SETD1A: variants seen among roughly 807,000 people sequenced by gnomAD.
SETD1A encodes the protein histone-lysine N-methyltransferase SETD1A.
Under a neutral mutation model 149.9 loss-of-function variants are expected in SETD1A, and 29 were observed. That is an observed-to-expected ratio of 0.19 (90% confidence interval 0.14 to 0.26). SETD1A has a LOEUF of 0.26. Ranked by LOEUF, SETD1A falls within the 10% of genes least tolerant of loss-of-function variation. SETD1A has a pLI of 1.00. For missense variants in SETD1A, 2,109 were observed against 2,353.1 expected (o/e 0.90, Z 2.15); for synonymous variants, 1,141 against 968.5 (o/e 1.18, Z -3.31).
chr16:30,978,451 G>T (rs2056314989), intron 13 of SETD1A, among the ~76,000 whole-genome samples: 3 of 151,946 alleles, frequency 2.0e-5, no homozygotes, highest in Admixed American at 2.0e-4. Flanking sequence ...CCGTCCTGAG[G>T]GTACGCTGGG....
At chr16:30,967,131 G>A (rs1243621640) in intron 9 of SETD1A, 71 bp downstream of exon 9, 2 of 1,169,394 alleles carry the variant, frequency 1.7e-6, no homozygotes, top group Non-Finnish European at 2.4e-6. Flanking sequence ...TGGGGTAGGG[G>A]TGGTCAGGAA....
At position 30,961,562 on chromosome 16, in the gene SETD1A, C is replaced by A. The variant is rs2056052637; in HGVS notation, c.517+25C>A. 2.5e-6 allele frequency: 4 copies of A among 1,608,770 alleles called. No individual in the cohort carries two copies. Among genetic ancestry groups the A allele is most frequent in the Admixed American group, 1.7e-5 (1 of 58,228 alleles). On this transcript the variant is annotated intron_variant, in intron 4 of 18. Transcript: ENST00000262519. The surrounding 1 kb of genome is among the most constrained non-coding windows in gnomAD (Gnocchi z 4.0). ...GGTGAGGACTCCTCTGCCTGCCACT[C>A]AGGCTTGGCCTCCAGCGGAGGTTGT...
In SETD1A at chr16:30,984,115, C is replaced by A; in HGVS notation, c.*92C>A. 8.5e-7 allele frequency: 1 copy of A among 1,175,526 alleles called. No homozygotes were observed. The highest frequency in any genetic ancestry group is 1.2e-6 in the Non-Finnish European group (1 of 854,836). 72.8% of individuals were successfully genotyped at this position (1,175,526 alleles called of 1,614,324 possible). A position where few individuals can be genotyped will look rare whatever the true frequency, so the allele number is the denominator to read the frequency against. Reference sequence around the variant, plus strand: ...CCCAGCCTTAGTGGGCTCAGCAGGGCCCACATGCCCCCATCTCCAAGCGTG... The same window carrying A: ...CCCAGCCTTAGTGGGCTCAGCAGGGACCACATGCCCCCATCTCCAAGCGTG... On this transcript the variant is annotated 3_prime_UTR_variant, in exon 19 of 19. Transcript: ENST00000262519.
chr16:30,961,203 C>A lies in SETD1A; in HGVS notation c.247-64C>A, dbSNP rs1046341559. On this transcript the variant is annotated intron_variant, in intron 3 of 18. Transcript: ENST00000262519. The surrounding 1 kb of genome is among the most constrained non-coding windows in gnomAD (Gnocchi z 4.0). ...GACTTCATGGAGCTTGCTAAAGTTT[C>A]CCGAAGGACAAAGGAACAGTGGTCA... The A allele has an allele frequency of 2.5e-5, 38 of 1,545,328 alleles. No homozygotes were observed. The highest frequency in any genetic ancestry group is 3.3e-5 in the Non-Finnish European group (37 of 1,131,380).
rs1414205184 is a variant in SETD1A at position 30,966,187 on chromosome 16, C to T, written c.2306C>T (p.Ala769Val). The T allele has an allele frequency of 4.3e-6, 7 of 1,611,966 alleles. No homozygotes were observed. In the East Asian group the frequency reaches 1.1e-4, roughly 26 times the overall value. Residue 769 changes from alanine to valine, a missense_variant, in exon 8 of 19, where the codon GCC (alanine) becomes GTC (valine). Ala to Val is a moderately conservative substitution (Grantham distance 64, BLOSUM62 0). This residue lies in a region of SETD1A where 431 missense variants were observed against 388.6 expected (regional missense o/e 1.11). Transcript: ENST00000262519. The part of the protein sequence containing the change: ...LPSSSVSGEE[A>V]RLPPREEAEL... ...TCCTCCTCAGTCTCGGGAGAGGAGG[C>T]CCGGCTGCCACCCAGGGAAGAAGCA...
At position 30,980,220 on chromosome 16, in the gene SETD1A, C is replaced by T. The variant is rs766673327; in HGVS notation, c.4408+26C>T. 3.8e-6 allele frequency: 6 copies of T among 1,572,422 alleles called. No individual in the cohort carries two copies. The highest frequency in any genetic ancestry group is 8.6e-7 in the Non-Finnish European group (1 of 1,157,374). The stretch of plus-strand genomic sequence containing the variant: ...ATATCCTGAGTGTGGGCGGCCTTCC[C>T]CGGGCTTGGGTCCTCCCCCGACCCC... On this transcript the variant is annotated intron_variant, in intron 14 of 18. Coordinates refer to ENST00000262519, the MANE Select transcript of SETD1A (RefSeq NM_014712.3). This position sits in a 1 kb window ranked among gnomAD's most constrained non-coding sequence, Gnocchi z 7.7.
In SETD1A at chr16:30,966,244, C is replaced by G. The variant is rs780702297; in HGVS notation, c.2363C>G (p.Ala788Gly). ...GCAGAGGGCAAGACCCTCCCGACAGCAGGCACCGTGGGCCGTGTGCTCGCC... is the reference window on the plus strand; with the variant it reads ...GCAGAGGGCAAGACCCTCCCGACAGGAGGCACCGTGGGCCGTGTGCTCGCC... ...ELAEGKTLPT[A>G]GTVGRVLAML... The change falls in exon 8 of 19, where the codon GCA becomes GGA. Residue 788 changes from alanine (A) to glycine (G), a missense_variant. Around this residue, in one of 8 missense-constraint regions of SETD1A, gnomAD observed 431 missense variants for 388.6 expected, o/e 1.11. Transcript: ENST00000262519. 6.2e-6 allele frequency: 10 copies of G among 1,613,714 alleles called. No individual in the cohort carries two copies. The highest frequency in any genetic ancestry group is 8.5e-6 in the Non-Finnish European group (10 of 1,180,008).
chr16:30,966,826 G>A, intron 8 of SETD1A, 58 bp from the exon 9 acceptor site: 1 of 1,487,780 alleles, frequency 6.7e-7, no homozygotes, highest in Non-Finnish European at 9.0e-7. Flanking sequence ...GTAGGTCTCA[G>A]GCAGGAGGGA....
rs766517510 is a variant in SETD1A, at chr16:30,983,776, C to A, written c.4950+4C>A. Reference sequence around the variant, plus strand: ...ATTCATCAACCACTGCTGCACGGTGCGCCAGGGGCCAGCCGGGGCAGGAGT... The same window carrying A: ...ATTCATCAACCACTGCTGCACGGTGAGCCAGGGGCCAGCCGGGGCAGGAGT... On this transcript the variant is annotated splice_donor_region_variant and intron_variant, in intron 18 of 18. Transcript: ENST00000262519. This position sits in a 1 kb window ranked among gnomAD's most constrained non-coding sequence, Gnocchi z 6.8. 34 of 1,613,672 alleles carry A rather than the reference C, an allele frequency of 2.1e-5. No individual in the cohort carries two copies. The highest frequency in any genetic ancestry group is 2.7e-5 in the Non-Finnish European group (32 of 1,179,714).
chr16:30,968,533 T>C (rs1177886913), intron 10 of SETD1A, among the ~76,000 whole-genome samples: 1 of 151,750 alleles, frequency 6.6e-6, no homozygotes, highest in Non-Finnish European at 1.5e-5. Context: ...CCAGGCAGGG[T>C]GGAGCTCACC....
At chr16:30,968,814 A>G (rs1468931505) in intron 10 of SETD1A, among the ~76,000 whole-genome samples, 3 of 151,780 alleles carry the variant, frequency 2.0e-5, no homozygotes, top group Non-Finnish European at 4.4e-5. Context: ...AAAAAAATAT[A>G]TATATATATG....
chr16:30,978,407 TC>T (rs1234550901), intron 13 of SETD1A, among the ~76,000 whole-genome samples: 1 of 152,116 alleles, frequency 6.6e-6, no homozygotes, highest in African/African-American at 2.4e-5. Context: ...ATGCAGGCTT[TC>T]CCAGGGATGG....
intron 13 of SETD1A, among the ~76,000 whole-genome samples, chr16:30,974,343 T>C (rs1315103550): frequency 6.6e-6 from 1 of 152,018 alleles, no homozygotes; most frequent in African/African-American, 2.4e-5. Context: ...GGTCGGTGCT[T>C]AGGTCTTGAA....
At position 30,964,272 on chromosome 16, in the gene SETD1A, A is replaced by G. The variant is rs1425717415; in HGVS notation, c.818A>G (p.Tyr273Cys). 11 of 1,613,428 alleles carry G rather than the reference A, an allele frequency of 6.8e-6. No homozygotes were observed. Among genetic ancestry groups the G allele is most frequent in the Non-Finnish European group, 8.5e-6 (10 of 1,179,780 alleles). The part of the protein sequence containing the change: ...FTPQSSQGTP[Y>C]TSRGSTPYSQ... The stretch of plus-strand genomic sequence containing the variant: ...CCTCAGTCCTCCCAAGGAACCCCCT[A>G]CACGTCTCGGGGCAGCACCCCCTAC... The change falls in exon 6 of 19, where the codon TAC (tyrosine) becomes TGC (cysteine). Residue 273 changes from tyrosine to cysteine, a missense_variant. Tyr to Cys is a radical substitution (Grantham distance 194). Coordinates refer to ENST00000262519, the MANE Select transcript of SETD1A (RefSeq NM_014712.3).
chr16:30,967,450 TG>T (rs1360247445), intron 9 of SETD1A, 50 bp from the exon 10 acceptor site: 1 of 1,550,960 alleles, frequency 6.4e-7, no homozygotes, highest in East Asian at 2.2e-5. Context: ...CACCGTGCTC[TG>T]CCTGAGTGTT....
intron 2 of SETD1A, 28 bp from the exon 3 acceptor site, chr16:30,959,063 C>G (rs761289402): frequency 1.3e-6 from 2 of 1,561,416 alleles, no homozygotes; most frequent in Admixed American, 1.7e-5. Context: ...ACCCTGAGCT[C>G]TCTTTCTGCT....
chr16:30,973,052 A>C (rs1168038644), intron 13 of SETD1A, among the ~76,000 whole-genome samples: 2 of 152,068 alleles, frequency 1.3e-5, no homozygotes, highest in African/African-American at 4.8e-5. Flanking sequence ...CCAGCAGGGG[A>C]AGCAGCGGGT....
intron 13 of SETD1A, among the ~76,000 whole-genome samples, chr16:30,977,226 G>A (rs1838773845): frequency 6.6e-6 from 1 of 152,208 alleles, no homozygotes; most frequent in African/African-American, 2.4e-5. Flanking sequence ...TTACAGGCGT[G>A]AGCCCCCTCG....
At chr16:30,966,730 G>A (rs989524911) in intron 8 of SETD1A, 154 bp from the exon 9 acceptor site, 44 of 475,308 alleles carry the variant, frequency 9.3e-5, no homozygotes, top group Non-Finnish European at 1.1e-4. Flanking sequence ...ACAGACTTTT[G>A]AGAAAATGCC....
Sources: gnomAD v4.1 joint callset for allele counts (sites outside exome capture counted in the v4.1 genomes callset) on GRCh38, gnomAD v4.1.1 for gene constraint, gnomAD v4.1.1 regional missense constraint, Gnocchi (gnomAD v3.1) non-coding constraint, MANE v1.5 for transcripts, NCBI Gene and HGNC (gene_info 2026-07-23, HGNC 2026-07-21) for gene names.